The following DLG2 variants were observed in gnomAD, a reference collection of about 807,000 sequenced individuals.
The protein encoded by DLG2 is disks large homolog 2.
DLG2 carries 45 observed loss-of-function variants against 132.5 expected under a neutral mutation model. The observed-to-expected ratio is 0.34, with a 90% CI of 0.27 to 0.44. The LOEUF is 0.44. Among genes scored for constraint, DLG2 ranks in the 20% least tolerant of loss-of-function variants. DLG2 has a pLI of 1.00. For missense variants in DLG2, 1,045 were observed against 1,196.9 expected, an observed-to-expected ratio of 0.87 and a Z score of 1.87; for synonymous variants, 424 against 419.6, an observed-to-expected ratio of 1.01 and a Z score of -0.13.
intron 19 of DLG2, among the ~76,000 whole-genome samples, chr11:83,612,864 G>A (rs942565295): frequency 4.6e-5 from 7 of 152,152 alleles, no homozygotes; most frequent in African/African-American, 9.7e-5. Context: ...AAGCAGCAGA[G>A]GAGGGTGTAG....
intron 6 of DLG2, among the ~76,000 whole-genome samples, chr11:84,641,396 T>C (rs2099664103): frequency 6.6e-6 from 1 of 152,236 alleles, no homozygotes; most frequent in South Asian, 2.1e-4. Context: ...TTGACTTCCT[T>C]CAGAGATGTC....
At chr11:83,995,290 CA>C (rs1432631350) in intron 11 of DLG2, among the ~76,000 whole-genome samples, 1 of 152,078 alleles carries the variant, frequency 6.6e-6, no homozygotes, top group Non-Finnish European at 1.5e-5. Context: ...TTGTATCATG[CA>C]AAACTTCTGA....
At chr11:83,697,889 A>T (rs2082204630) in intron 18 of DLG2, among the ~76,000 whole-genome samples, 1 of 152,222 alleles carries the variant, frequency 6.6e-6, no homozygotes, top group Admixed American at 6.5e-5. Context: ...ATCTTTGGCC[A>T]GTAAGAAGTG....
In DLG2 at chr11:83,601,260, C is replaced by T. The variant is rs1246956809; in HGVS notation, c.1940+31951G>A. Among the ~76,000 whole-genome samples the T allele has an allele frequency of 2.6e-5, 4 of 152,100 alleles. No individual in the cohort carries two copies. The East Asian group carries it at 5.8e-4, about 22-fold the overall frequency. ...TTTGCCAAGGGTCCTCAATGCCATG[C>T]CGAAGAGTTGGGGGCATTATTCTAT... On this transcript the variant is annotated intron_variant, in intron 19 of 27. Transcript: ENST00000376104.
chr11:84,869,298 G>T (rs1336054342), intron 6 of DLG2, among the ~76,000 whole-genome samples: 1 of 152,218 alleles, frequency 6.6e-6, no homozygotes, highest in Non-Finnish European at 1.5e-5. Flanking sequence ...TAAGAGGCTT[G>T]CTTGAATTTT....
chr11:84,346,922 A>C (rs1048184452), intron 7 of DLG2, among the ~76,000 whole-genome samples: 5 of 151,976 alleles, frequency 3.3e-5, no homozygotes, highest in Non-Finnish European at 7.4e-5. Context: ...TTGCATTATG[A>C]AATGCCTTTC....
At chr11:83,784,514 C>T (rs1402237271) in intron 18 of DLG2, among the ~76,000 whole-genome samples, 3 of 152,144 alleles carry the variant, frequency 2.0e-5, no homozygotes, top group African/African-American at 7.2e-5. Context: ...TGTACTTTGG[C>T]ATTTTGTAAA....
At chr11:84,036,809 T>C (rs1222908152) in intron 11 of DLG2, among the ~76,000 whole-genome samples, 3 of 152,146 alleles carry the variant, frequency 2.0e-5, no homozygotes, top group Non-Finnish European at 4.4e-5. Context: ...GCACCTTCTG[T>C]GAATGAATAC....
At chr11:84,844,541 T>C (rs887379240) in intron 6 of DLG2, among the ~76,000 whole-genome samples, 3 of 151,930 alleles carry the variant, frequency 2.0e-5, no homozygotes, top group African/African-American at 7.2e-5. Context: ...GGCTTCCTTG[T>C]TTATCCCCAT....
At chr11:84,767,174 TACA>T (rs2068542957) in intron 6 of DLG2, among the ~76,000 whole-genome samples, 1 of 152,096 alleles carries the variant, frequency 6.6e-6, no homozygotes, top group Non-Finnish European at 1.5e-5. Flanking sequence ...AGTGTAATAA[TACA>T]GTAGATGCTC....
intron 3 of DLG2, among the ~76,000 whole-genome samples, chr11:85,338,128 A>G (rs1374187795): frequency 4.6e-5 from 7 of 152,236 alleles, no homozygotes; most frequent in Admixed American, 4.6e-4. Context: ...GGCAATATTT[A>G]AAGAGTTAAT....
chr11:84,325,765 A>G (rs1361280361), intron 7 of DLG2, among the ~76,000 whole-genome samples: 1 of 152,152 alleles, frequency 6.6e-6, no homozygotes, highest in Non-Finnish European at 1.5e-5. Context: ...GCCTTATAAA[A>G]TGAGTTTTGA....
chr11:84,266,549 A>G (rs1165029633), intron 7 of DLG2, among the ~76,000 whole-genome samples: 3 of 152,232 alleles, frequency 2.0e-5, no homozygotes, highest in Non-Finnish European at 4.4e-5. Flanking sequence ...GGTTAAGAGG[A>G]AGGAAACAGG....
At chr11:84,794,354 C>T (rs769582405) in intron 6 of DLG2, among the ~76,000 whole-genome samples, 15 of 152,188 alleles carry the variant, frequency 9.9e-5, no homozygotes, top group Non-Finnish European at 1.5e-4. Flanking sequence ...ACTGCCATAA[C>T]GCCAACTGCA....
At chr11:85,261,046 G>A (rs969750054) in intron 4 of DLG2, among the ~76,000 whole-genome samples, 18 of 152,130 alleles carry the variant, frequency 1.2e-4, no homozygotes, top group African/African-American at 2.9e-4. Flanking sequence ...GGGGCCCAGC[G>A]TAGCAGGTGG....
chr11:85,060,541 G>T (rs534883619), intron 6 of DLG2, among the ~76,000 whole-genome samples: 1 of 150,126 alleles, frequency 6.7e-6, no homozygotes, highest in East Asian at 2.0e-4. Context: ...ATATATACAC[G>T]CGTACATATA....
intron 9 of DLG2, among the ~76,000 whole-genome samples, chr11:84,106,877 G>GAGAGAC (rs1487359626): frequency 6.7e-6 from 1 of 148,886 alleles, no homozygotes; most frequent in Non-Finnish European, 1.5e-5. Context: ...GTGAGAGAGA[G>GAGAGAC]AGAGAGAGAG....
chr11:83,976,677 A>C (rs559015465), intron 12 of DLG2, among the ~76,000 whole-genome samples: 11 of 151,940 alleles, frequency 7.2e-5, no homozygotes, highest in Non-Finnish European at 1.5e-4. Flanking sequence ...TCCAGTTTCA[A>C]CTTGGAAGTA....
chr11:84,251,375 G>C, intron 7 of DLG2, 84 bp from the exon 8 acceptor site: 1 of 1,054,748 alleles, frequency 9.5e-7, no homozygotes, highest in Non-Finnish European at 1.4e-6. Context: ...TTAACAAAGA[G>C]CTCAACAGGC....
Sources: allele counts gnomAD v4.1 joint callset (sites outside exome capture counted in the v4.1 genomes callset), GRCh38; gene constraint gnomAD v4.1.1; transcripts MANE v1.5; gene names NCBI Gene and HGNC (gene_info 2026-07-23, HGNC 2026-07-21).